The following HIVEP2 variants were observed in gnomAD, a reference collection of about 807,000 sequenced individuals.
HIVEP2 encodes the protein transcription factor HIVEP2.
A neutral mutation model predicts 180.7 loss-of-function variants in HIVEP2; 14 were observed. The observed-to-expected ratio is 0.08, with a 90% confidence interval of 0.05 to 0.12. The LOEUF (loss-of-function observed/expected upper bound fraction) is 0.12, where lower values mean the gene tolerates loss of function less well. HIVEP2 is among the 10% of genes least tolerant of loss of function. The probability of loss-of-function intolerance (pLI) is 1.00; values close to 1 mark genes in which losing one functional copy is unlikely to be tolerated. For missense variants in HIVEP2, 2,579 were observed against 3,008.5 expected, an observed-to-expected ratio of 0.86 and a Z score of 3.34; for synonymous variants, 1,184 against 1,136.4, an observed-to-expected ratio of 1.04 and a Z score of -0.84.
intron 7 of HIVEP2, among the ~76,000 whole-genome samples, chr6:142,762,600 T>C (rs189053292): frequency 2.6e-5 from 4 of 152,300 alleles, no homozygotes; most frequent in African/African-American, 9.6e-5. Context: ...TAATGTTATC[T>C]GTGCCCTTGA....
intron 1 of HIVEP2, among the ~76,000 whole-genome samples, chr6:142,854,689 C>A (rs1354921766): frequency 6.6e-6 from 1 of 152,158 alleles, no homozygotes; most frequent in African/African-American, 2.4e-5. Flanking sequence ...AGGCACTGCA[C>A]AAACTCCTCT....
chr6:142,760,949 G>C (rs535734482), intron 8 of HIVEP2, among the ~76,000 whole-genome samples: 81 of 152,262 alleles, frequency 5.3e-4, no homozygotes, highest in African/African-American at 1.7e-3. Context: ...CTCAACAAAT[G>C]AGCATGGATA....
At chr6:142,830,197 T>A (rs994251304) in intron 2 of HIVEP2, among the ~76,000 whole-genome samples, 2 of 152,076 alleles carry the variant, frequency 1.3e-5, no homozygotes, top group Admixed American at 1.3e-4. Flanking sequence ...ACTTTTTTTT[T>A]AAAGCTCAAT....
intron 1 of HIVEP2, among the ~76,000 whole-genome samples, chr6:142,863,181 A>AT (rs550164871): frequency 2.0e-5 from 3 of 149,514 alleles, no homozygotes; most frequent in Admixed American, 6.7e-5. Flanking sequence ...GTTCTGTTGC[A>AT]TTTTTTTTAA....
chr6:142,879,232 G>A (rs575362105), intron 1 of HIVEP2, among the ~76,000 whole-genome samples: 1 of 152,130 alleles, frequency 6.6e-6, no homozygotes, highest in African/African-American at 2.4e-5. Context: ...TTAAGAAGAT[G>A]AGCCTTGTAG....
Position 142,768,480 on chromosome 6 carries a change from T to C in HIVEP2, c.5244A>G (p.Gly1748=), listed in dbSNP as rs774325301. ...FGSKLERKLV[G]NILKERGKGD... ...CTTTCCCTCTTTCCTTTAAGATATT[T>C]CCCACTAGTTTCCTTTCTAGTTTGC... Residue 1748 remains glycine (G), a synonymous_variant, in exon 6 of 10, where the codon GGA becomes GGG. Coordinates refer to ENST00000367603, the MANE Select transcript of HIVEP2 (RefSeq NM_006734.4). The C allele has an allele frequency of 2.5e-5, 41 of 1,613,378 alleles. No individual in the cohort carries two copies. Among genetic ancestry groups the C allele is most frequent in the Non-Finnish European group, 3.5e-5 (41 of 1,179,644 alleles).
At chr6:142,933,184 T>A (rs1405024856) in intron 1 of HIVEP2, among the ~76,000 whole-genome samples, 6 of 152,206 alleles carry the variant, frequency 3.9e-5, no homozygotes. Flanking sequence ...CAAAAGAACC[T>A]CAGAATTTCA....
rs1582833811 is a variant in HIVEP2 at position 142,762,975 on chromosome 6, T to TAGAAA, written c.5519-1411_5519-1410insTTTCT. Among the ~76,000 whole-genome samples the TAGAAA allele has an allele frequency of 2.0e-5, 3 of 152,326 alleles. No homozygotes were observed. The East Asian group carries it at 5.8e-4, about 29-fold the overall frequency. ...TTAAATCTAGAAAATTAATGAAATG[T>TAGAAA]ATCTACAAATTAATAAAAATCATCA... On this transcript the variant is annotated intron_variant, in intron 7 of 9. Transcript: ENST00000367603.
chr6:142,760,358 C>A lies in HIVEP2; in HGVS notation c.5930G>T (p.Ser1977Ile), dbSNP rs776500555. The A allele has an allele frequency of 5.0e-6, 8 of 1,614,080 alleles. No homozygotes were observed. The highest frequency in any genetic ancestry group is 1.3e-5 in the African/African-American group (1 of 74,918). Residue 1977 changes from serine (S) to isoleucine (I), a missense_variant, in exon 9 of 10, where the codon AGT (serine) becomes ATT (isoleucine). Ser to Ile is a moderately radical substitution (Grantham distance 142). Transcript: ENST00000367603. Reference sequence around the variant, plus strand: ...TGTCATAAGCTGAGTAACTCGAATACTTGGCAAAGTAACCAAATAGCTGAT... The same window carrying A: ...TGTCATAAGCTGAGTAACTCGAATAATTGGCAAAGTAACCAAATAGCTGAT... ...SLISYLVTLP[S>I]IRVTQLMTPS... is the part of the protein sequence containing the mutation.
intron 1 of HIVEP2, among the ~76,000 whole-genome samples, chr6:142,940,743 A>G (rs916863298): frequency 1.1e-4 from 17 of 152,246 alleles, no homozygotes; most frequent in Admixed American, 5.9e-4. Context: ...AGTGAATTGC[A>G]TTGACCAGCA....
At chr6:142,855,679 G>A (rs1775802014) in intron 1 of HIVEP2, among the ~76,000 whole-genome samples, 2 of 152,142 alleles carry the variant, frequency 1.3e-5, no homozygotes, top group Non-Finnish European at 2.9e-5. Flanking sequence ...AAAGGAATCT[G>A]TTTTCCTGAG....
chr6:142,796,712 T>C (rs1285307613), intron 2 of HIVEP2, among the ~76,000 whole-genome samples: 1 of 152,144 alleles, frequency 6.6e-6, no homozygotes, highest in Non-Finnish European at 1.5e-5. Flanking sequence ...TTCCTGTGGG[T>C]CCCATGGTGT....
intron 2 of HIVEP2, among the ~76,000 whole-genome samples, chr6:142,823,109 A>G (rs1379738840): frequency 1.3e-5 from 2 of 152,094 alleles, no homozygotes; most frequent in Non-Finnish European, 2.9e-5. Context: ...AGCTCCCCCT[A>G]GCGTCCTCAG....
intron 2 of HIVEP2, among the ~76,000 whole-genome samples, chr6:142,827,097 C>T (rs1293235765): frequency 6.6e-6 from 1 of 152,160 alleles, no homozygotes; most frequent in Admixed American, 6.5e-5. Context: ...TAATTTCTCT[C>T]TTGTTATTCC....
At chr6:142,826,976 T>A (rs72990264) in intron 2 of HIVEP2, among the ~76,000 whole-genome samples, 3,107 of 152,304 alleles carry the variant, frequency 0.02, 36 homozygotes, top group Non-Finnish European at 0.036. Context: ...AGTGAATGGA[T>A]GAATGAGTGA....
intron 2 of HIVEP2, among the ~76,000 whole-genome samples, chr6:142,812,224 T>C (rs958364350): frequency 1.3e-5 from 2 of 152,154 alleles, no homozygotes; most frequent in Non-Finnish European, 2.9e-5. Flanking sequence ...TGAGTACTGA[T>C]TGATCAGCAC....
At chr6:142,838,189 G>A (rs1775273877) in intron 1 of HIVEP2, among the ~76,000 whole-genome samples, 1 of 152,098 alleles carries the variant, frequency 6.6e-6, no homozygotes, top group Admixed American at 6.5e-5. Flanking sequence ...ACAAATAGCA[G>A]TAACTATACA....
chr6:142,792,601 C>A (rs1331718794), intron 2 of HIVEP2, among the ~76,000 whole-genome samples: 2 of 152,086 alleles, frequency 1.3e-5, no homozygotes, highest in African/African-American at 4.8e-5. Context: ...AGGACAAATA[C>A]CTAAGCATGC....
chr6:142,887,457 G>C, intron 1 of HIVEP2, among the ~76,000 whole-genome samples: 1 of 152,256 alleles, frequency 6.6e-6, no homozygotes, highest in East Asian at 1.9e-4. Context: ...TTTCAGTCAT[G>C]GTGGTCTATG....
Sources: allele counts gnomAD v4.1 joint callset (sites outside exome capture counted in the v4.1 genomes callset), GRCh38; gene constraint gnomAD v4.1.1; transcripts MANE v1.5; gene names NCBI Gene and HGNC (gene_info 2026-07-23, HGNC 2026-07-21).